Variants in LRRC4C observed in about 807,000 individuals in gnomAD.
LRRC4C encodes the protein leucine rich repeat containing 4C, also known as leucine-rich repeat-containing protein 4C.
LRRC4C carries 5 observed loss-of-function variants against 33.6 expected under a neutral mutation model. That is an observed-to-expected ratio of 0.15 (90% CI 0.08 to 0.31). The LOEUF is 0.31. Ranked by LOEUF, LRRC4C falls within the 10% of genes least tolerant of loss-of-function variation. The pLI is 1.00. For synonymous variants in LRRC4C, 329 were observed against 302.0 expected (o/e 1.09, Z -0.93); for missense variants, 560 against 796.7 (o/e 0.70, Z 3.58).
chr11:40,663,297 G>C (rs1943545112), intron 2 of LRRC4C, among the ~76,000 whole-genome samples: 1 of 152,118 alleles, frequency 6.6e-6, no homozygotes, highest in South Asian at 2.1e-4. Context: ...TGTTCAAGCT[G>C]GTTTCGAACT....
At chr11:40,984,405 AAGAAAGAAAGAG>A (rs1852827196) in intron 1 of LRRC4C, among the ~76,000 whole-genome samples, 6 of 85,508 alleles carry the variant, frequency 7.0e-5, no homozygotes, top group Non-Finnish European at 1.8e-4. Flanking sequence ...GAAAGAAAGA[AAGAAAGAAAGAG>A]AAAGAAAGAA....
chr11:40,618,332 C>G (rs1186186115), intron 3 of LRRC4C, among the ~76,000 whole-genome samples: 1 of 151,482 alleles, frequency 6.6e-6, no homozygotes, highest in East Asian at 1.9e-4. Flanking sequence ...CAAGAAATGA[C>G]CAAGATTGCT....
chr11:41,027,865 C>A (rs1856480539), intron 1 of LRRC4C, among the ~76,000 whole-genome samples: 1 of 151,616 alleles, frequency 6.6e-6, no homozygotes, highest in African/African-American at 2.4e-5. Context: ...TTTAGTTTTT[C>A]TTCATGTTGC....
intron 1 of LRRC4C, among the ~76,000 whole-genome samples, chr11:41,016,003 AAAC>A (rs998077442): frequency 1.6e-4 from 25 of 152,250 alleles, no homozygotes; most frequent in African/African-American, 5.3e-4. Flanking sequence ...CCGTCTCAAA[AAAC>A]AACAACAACA....
chr11:40,820,101 G>C (rs1382970420), intron 2 of LRRC4C, among the ~76,000 whole-genome samples: 1 of 151,846 alleles, frequency 6.6e-6, no homozygotes, highest in Non-Finnish European at 1.5e-5. Flanking sequence ...CAACAAAAAG[G>C]TATAAGAAAT....
intron 1 of LRRC4C, among the ~76,000 whole-genome samples, chr11:41,053,777 G>A (rs1858423178): frequency 6.6e-6 from 1 of 152,068 alleles, no homozygotes; most frequent in Non-Finnish European, 1.5e-5. Context: ...ATTTTAAAGG[G>A]AATTAATATG....
At chr11:41,061,289 G>A (rs996024076) in intron 1 of LRRC4C, among the ~76,000 whole-genome samples, 5 of 152,114 alleles carry the variant, frequency 3.3e-5, no homozygotes, top group Admixed American at 6.6e-5. Context: ...TTCTCAGCAC[G>A]ATTTGGGTTT....
chr11:40,130,599 A>G (rs900333414), intron 6 of LRRC4C, among the ~76,000 whole-genome samples: 2 of 152,182 alleles, frequency 1.3e-5, no homozygotes, highest in African/African-American at 2.4e-5. Flanking sequence ...TCTACCCACT[A>G]GATGCCAGTA....
intron 3 of LRRC4C, among the ~76,000 whole-genome samples, chr11:40,559,558 G>A (rs1166707475): frequency 6.6e-6 from 1 of 152,054 alleles, no homozygotes; most frequent in Admixed American, 6.6e-5. Context: ...TGGGTGGGAT[G>A]GTAGTTCTGC....
chr11:40,252,086 T>C (rs368589804), intron 4 of LRRC4C, among the ~76,000 whole-genome samples: 3 of 152,144 alleles, frequency 2.0e-5, no homozygotes, highest in South Asian at 2.1e-4. Context: ...GGTGAAAACA[T>C]TGTATAAACC....
At chr11:40,563,489 T>C (rs934897350) in intron 3 of LRRC4C, among the ~76,000 whole-genome samples, 1 of 152,232 alleles carries the variant, frequency 6.6e-6, no homozygotes, top group Admixed American at 6.5e-5. Context: ...GGCAGAGGGA[T>C]AATGAGAAAC....
intron 1 of LRRC4C, among the ~76,000 whole-genome samples, chr11:41,398,937 G>T (rs1413753974): frequency 6.6e-6 from 1 of 151,880 alleles, no homozygotes; most frequent in Non-Finnish European, 1.5e-5. Flanking sequence ...ACCTTGTAAG[G>T]CTTAATGACT....
intron 2 of LRRC4C, among the ~76,000 whole-genome samples, chr11:40,667,589 G>T (rs935941386): frequency 1.3e-5 from 2 of 152,160 alleles, no homozygotes; most frequent in Non-Finnish European, 2.9e-5. Flanking sequence ...CTCTTGTTAG[G>T]CTGGAAGAAG....
intron 2 of LRRC4C, among the ~76,000 whole-genome samples, chr11:40,707,136 T>C (rs1229500634): frequency 1.3e-5 from 2 of 152,214 alleles, no homozygotes. Context: ...TTTCTAAATA[T>C]ACAATCATGT....
chr11:41,283,255 T>C (rs1304137518), intron 1 of LRRC4C, among the ~76,000 whole-genome samples: 1 of 152,214 alleles, frequency 6.6e-6, no homozygotes, highest in Non-Finnish European at 1.5e-5. Context: ...TTAGAAAATA[T>C]TATTTTAAAA....
chr11:41,392,831 AG>A (rs1357375632), intron 1 of LRRC4C, among the ~76,000 whole-genome samples: 5 of 151,854 alleles, frequency 3.3e-5, no homozygotes, highest in Non-Finnish European at 7.4e-5. Context: ...GGAAGCAGGA[AG>A]GATTCTTCCC....
At chr11:41,448,820 C>T (rs1321546550) in intron 1 of LRRC4C, among the ~76,000 whole-genome samples, 1 of 152,094 alleles carries the variant, frequency 6.6e-6, no homozygotes, top group African/African-American at 2.4e-5. Context: ...ATAATACCTA[C>T]TTCATAGTTG....
intron 3 of LRRC4C, among the ~76,000 whole-genome samples, chr11:40,568,639 T>G (rs914965140): frequency 9.2e-5 from 14 of 152,158 alleles, no homozygotes; most frequent in African/African-American, 2.9e-4. Context: ...AGAAACACTC[T>G]CTGGACCACA....
At chr11:41,376,600 G>A (rs1327364474) in intron 1 of LRRC4C, among the ~76,000 whole-genome samples, 1 of 152,034 alleles carries the variant, frequency 6.6e-6, no homozygotes, top group Admixed American at 6.6e-5. Flanking sequence ...ACTCTCTAAA[G>A]AGATATTACT....
Sources: gnomAD v4.1 joint callset for allele counts (sites outside exome capture counted in the v4.1 genomes callset) on GRCh38, gnomAD v4.1.1 for gene constraint, MANE v1.5 for transcripts, NCBI Gene and HGNC (gene_info 2026-07-23, HGNC 2026-07-21) for gene names.